The following SLC12A9 variants were observed in gnomAD, a reference collection of about 807,000 sequenced individuals.
The protein encoded by SLC12A9 is CCC-interacting protein 1.
In SLC12A9, 55 loss-of-function variants were observed where a neutral mutation model predicts 66.0. The observed-to-expected ratio is 0.83, with a 90% confidence interval of 0.67 to 1.04. SLC12A9 has a LOEUF of 1.04. Ranked by LOEUF, SLC12A9 falls within the 50% of genes least tolerant of loss-of-function variation. SLC12A9 has a pLI of 0.00. For synonymous variants in SLC12A9, 577 were observed against 569.0 expected, an observed-to-expected ratio of 1.01 and a Z score of -0.20; for missense variants, 1,061 against 1,241.9, an observed-to-expected ratio of 0.85 and a Z score of 2.19.
At position 100,861,122 on chromosome 7, in the gene SLC12A9, C is replaced by T. The variant is rs1814724103; in HGVS notation, c.1219-16C>T. On this transcript the variant is annotated splice_polypyrimidine_tract_variant and intron_variant, in intron 9 of 13. Coordinates refer to ENST00000354161, the MANE Select transcript of SLC12A9 (RefSeq NM_020246.4). This position sits in a 1 kb window ranked among gnomAD's most constrained non-coding sequence, Gnocchi z 5.3. ...GGCACTTTGGAACAACGGCACGCCT[C>T]TTGGCCCTTGCCCAGCTGGTGCTCC... 6.2e-7 allele frequency: 1 copy of T among 1,614,180 alleles called. No homozygotes were observed. Among genetic ancestry groups the T allele is most frequent in the Non-Finnish European group, 8.5e-7 (1 of 1,180,006 alleles).
In SLC12A9 at chr7:100,861,531, C is replaced by A. The variant is rs760730107; in HGVS notation, c.1483C>A (p.Arg495=). The change falls in exon 11 of 14, where the codon CGA becomes AGA. Residue 495 remains arginine (R), a synonymous_variant. Transcript: ENST00000354161. This position sits in a 1 kb window ranked among gnomAD's most constrained non-coding sequence, Gnocchi z 5.3. ...MGLLAALLTA[R]GGPSSWGYVS... is the part of the protein sequence containing the mutation. ...TCTGCTGGCTGCCCTGCTCACCGCG[C>A]GAGGAGGCCCCAGTAGCTGGGGCTA... 1.3e-5 allele frequency: 21 copies of A among 1,613,796 alleles called. No homozygotes were observed. Among genetic ancestry groups the A allele is most frequent in the South Asian group, 5.5e-5 (5 of 91,070 alleles).
Position 100,861,324 on chromosome 7 carries a change from GCTGGGGACTGCAGCCTCGTGTGCGGC to G in SLC12A9, c.1344-64_1344-39del. ...GGGAGGACTCGGGCTCAGGCGTGGG[GCTGGGGACTGCAGCCTCGTGTGCGGC>G]CTGCCCTGAGTTTCTGTCCCTCCTC... On this transcript the variant is annotated intron_variant, in intron 10 of 13. Transcript: ENST00000354161. This position sits in a 1 kb window ranked among gnomAD's most constrained non-coding sequence, Gnocchi z 5.3. The G allele has an allele frequency of 1.9e-6, 3 of 1,612,588 alleles. No individual in the cohort carries two copies. In the South Asian group the frequency reaches 3.3e-5, roughly 18 times the overall value.
chr7:100,848,834 C>T (rs1016864027), upstream of SLC12A9, among the ~76,000 whole-genome samples: 12 of 150,498 alleles, frequency 8.0e-5, no homozygotes, highest in Admixed American at 6.6e-4. Flanking sequence ...TGCAGTGAGC[C>T]GAGATCGTGC....
chr7:100,866,187 AGGCGCCTGGGGC>A lies in SLC12A9; in HGVS notation c.2331_2342del (p.Pro778_Ala781del), dbSNP rs778196810. 6.2e-7 allele frequency: 1 copy of A among 1,611,256 alleles called. No homozygotes were observed. Among genetic ancestry groups the A allele is most frequent in the South Asian group, 1.1e-5 (1 of 90,978 alleles). ...ATCTTCCTGTGCCTGGGGCCTCGGG[AGGCGCCTGGGGC>A]GGCCGAGGGGCGGCTGCGGGCACTG... is the stretch of plus-strand genomic sequence containing the variant. On this transcript the variant is annotated inframe_deletion, in exon 14 of 14. Coordinates refer to ENST00000354161, the MANE Select transcript of SLC12A9 (RefSeq NM_020246.4). The surrounding 1 kb of genome is among the most constrained non-coding windows in gnomAD (Gnocchi z 7.3).
upstream of SLC12A9, among the ~76,000 whole-genome samples, chr7:100,850,722 CTT>C (rs552170386): frequency 1.1e-4 from 16 of 141,486 alleles, no homozygotes; most frequent in Non-Finnish European, 1.1e-4. Flanking sequence ...TCTTCTTCTT[CTT>C]TTTTTTTTTT....
chr7:100,832,843 G>A (rs995082601), intron 1 of SLC12A9, among the ~76,000 whole-genome samples: 2 of 151,548 alleles, frequency 1.3e-5, no homozygotes, highest in South Asian at 2.1e-4. Context: ...TGGCACGATC[G>A]AGGCTCACTG....
intron 1 of SLC12A9, among the ~76,000 whole-genome samples, chr7:100,834,894 A>C (rs314322): frequency 9.2e-5 from 14 of 151,880 alleles, no homozygotes; most frequent in Non-Finnish European, 1.9e-4. Flanking sequence ...GGCTGGGCAC[A>C]GTGGCTCACG....
intron 1 of SLC12A9, among the ~76,000 whole-genome samples, chr7:100,831,617 C>T (rs1049957558): frequency 1.8e-4 from 28 of 152,302 alleles, no homozygotes; most frequent in South Asian, 4.1e-4. Context: ...TGGGACCCCG[C>T]GCGGGGACCA....
At chr7:100,843,674 C>T (rs1315139163) in intron 1 of SLC12A9, among the ~76,000 whole-genome samples, 3 of 152,192 alleles carry the variant, frequency 2.0e-5, no homozygotes, top group South Asian at 4.1e-4. Flanking sequence ...AACCCTTAGG[C>T]AAAACCTGAA....
Position 100,854,249 on chromosome 7 carries a change from G to C in SLC12A9, c.52G>C (p.Gly18Arg). The change falls in exon 2 of 14, where the codon GGG becomes CGG. Residue 18 changes from glycine to arginine, a missense_variant. Physicochemically the swap from Gly to Arg is moderately radical, Grantham distance 125. Transcript: ENST00000354161. Reference protein sequence around the residue: ...LLAYRLLGEEGVALPANGAGG... With the variant: ...LLAYRLLGEERVALPANGAGG... Reference sequence around the variant, plus strand: ...GGCCTACCGGCTCCTGGGGGAGGAGGGGGTTGCCCTCCCTGCCAATGGGGC... The same window carrying C: ...GGCCTACCGGCTCCTGGGGGAGGAGCGGGTTGCCCTCCCTGCCAATGGGGC... The C allele has an allele frequency of 6.3e-7, 1 of 1,579,048 alleles. No individual in the cohort carries two copies. The highest frequency in any genetic ancestry group is 8.5e-7 in the Non-Finnish European group (1 of 1,171,060).
rs1357098654 is a variant in SLC12A9 at position 100,867,001 on chromosome 7, C to CAA, written c.*399_*400dup. ...ACTCTGCTGACCATGAATAAAAGAC[C>CAA]AAAACACTACAGGCTGGCTGAGCAG... On this transcript the variant is annotated 3_prime_UTR_variant, in exon 14 of 14. Coordinates refer to ENST00000354161, the MANE Select transcript of SLC12A9 (RefSeq NM_020246.4). This position sits in a 1 kb window ranked among gnomAD's most constrained non-coding sequence, Gnocchi z 5.4. 5.3e-6 allele frequency: 1 copy of CAA among 187,058 alleles called. No individual in the cohort carries two copies. Among genetic ancestry groups the CAA allele is most frequent in the Non-Finnish European group, 1.1e-5 (1 of 92,488 alleles). The allele number at this position is 187,058 out of a possible 1,614,324, so 11.6% of individuals were successfully genotyped here.
intron 1 of SLC12A9, among the ~76,000 whole-genome samples, chr7:100,846,741 C>T (rs1026941432): frequency 5.9e-5 from 9 of 151,994 alleles, no homozygotes; most frequent in African/African-American, 2.2e-4. Context: ...AGAGACCGCC[C>T]CTCATATTGT....
At position 100,861,928 on chromosome 7, in the gene SLC12A9, C is replaced by A; in HGVS notation, c.1711+17C>A. 6.5e-7 allele frequency: 1 copy of A among 1,550,238 alleles called. No homozygotes were observed. The highest frequency in any genetic ancestry group is 1.2e-5 in the South Asian group (1 of 82,274). The stretch of plus-strand genomic sequence containing the variant: ...GAGACCTCGGTGAGCTGCCCTCCCA[C>A]TCACTCACTCACTCCCATCCTTCTC... On this transcript the variant is annotated intron_variant, in intron 12 of 13. Transcript: ENST00000354161. The surrounding 1 kb of genome is among the most constrained non-coding windows in gnomAD (Gnocchi z 5.3).
At chr7:100,863,158 A>T (rs933417887) in intron 13 of SLC12A9, among the ~76,000 whole-genome samples, 2 of 143,740 alleles carry the variant, frequency 1.4e-5, no homozygotes, top group African/African-American at 5.2e-5. Context: ...TCCACCTCCC[A>T]GGTTCAAGTG....
chr7:100,854,570 G>A, intron 2 of SLC12A9, 50 bp from the exon 3 acceptor site: 2 of 1,611,196 alleles, frequency 1.2e-6, no homozygotes, highest in South Asian at 1.1e-5. Context: ...AGGGGGTGGG[G>A]GATATGGGGT....
chr7:100,859,188 T>C (rs771727694), intron 7 of SLC12A9, 27 bp downstream of exon 7: 2 of 1,603,056 alleles, frequency 1.2e-6, no homozygotes, highest in African/African-American at 1.3e-5. Flanking sequence ...GGGGGTGGAG[T>C]GTCGAACAAG....
At chr7:100,846,737 C>T (rs995831090) in intron 1 of SLC12A9, among the ~76,000 whole-genome samples, 6 of 151,824 alleles carry the variant, frequency 4.0e-5, no homozygotes, top group African/African-American at 1.2e-4. Flanking sequence ...AGGAAGAGAC[C>T]GCCCCTCATA....
intron 7 of SLC12A9, 158 bp from the exon 8 acceptor site, chr7:100,859,727 A>G: frequency 1.1e-6 from 1 of 876,610 alleles, no homozygotes; most frequent in Non-Finnish European, 1.7e-6. Flanking sequence ...AAAAGGAAGG[A>G]ATGACCACTG....
chr7:100,864,710 A>G (rs4729615), intron 13 of SLC12A9, among the ~76,000 whole-genome samples: 79,472 of 152,076 alleles, frequency 0.52, 21,338 homozygotes, highest in East Asian at 0.8. Flanking sequence ...CCTACCAGAT[A>G]TGAGCCTATG....
Sources: gnomAD v4.1 joint callset for allele counts (sites outside exome capture counted in the v4.1 genomes callset) on GRCh38, gnomAD v4.1.1 for gene constraint, Gnocchi (gnomAD v3.1) non-coding constraint, MANE v1.5 for transcripts, NCBI Gene and HGNC (gene_info 2026-07-23, HGNC 2026-07-21) for gene names.